The following PITPNM2 variants were observed in gnomAD, a reference collection of about 807,000 sequenced individuals.
PITPNM2 encodes the protein phosphatidylinositol transfer protein membrane associated 2, also known as membrane-associated phosphatidylinositol transfer protein 2.
In PITPNM2, 35 loss-of-function variants were observed where a neutral mutation model predicts 132.2. The observed-to-expected ratio is 0.26, with a 90% CI of 0.20 to 0.35. PITPNM2 has a LOEUF of 0.35. Among genes scored for constraint, PITPNM2 ranks in the 10% least tolerant of loss-of-function variants. The pLI, the probability that PITPNM2 is intolerant of heterozygous loss-of-function variation, is 1.00. For missense variants in PITPNM2, 1,332 were observed against 1,912.0 expected, an observed-to-expected ratio of 0.70 and a Z score of 5.66; for synonymous variants, 738 against 799.2, an observed-to-expected ratio of 0.92 and a Z score of 1.29.
At chr12:123,142,119 G>A (rs188285286) in intron 1 of PITPNM2, among the ~76,000 whole-genome samples, 139 of 152,324 alleles carry the variant, frequency 9.1e-4, no homozygotes, top group African/African-American at 3.1e-3. Context: ...AGTCACTACC[G>A]TGAACTCACA....
At position 123,089,238 on chromosome 12, in the gene PITPNM2, C is replaced by G. The variant is rs201487967; in HGVS notation, c.-96+21147G>C. The G allele has an allele frequency of 4.6e-5, 7 of 152,256 alleles. No homozygotes were observed. In the East Asian group the frequency reaches 1.4e-3, roughly 29 times the overall value. The allele number at this position is 152,256 out of a possible 1,614,324, so 9.4% of individuals were successfully genotyped here. A position where few individuals can be genotyped will look rare whatever the true frequency, so the allele number is the denominator to read the frequency against. ...CCGAACCCACCCTCAAACTCTTGGC[C>G]TCGTGAAATTAGGCAACAGGGGCCC... On this transcript the variant is annotated intron_variant, in intron 2 of 25. Transcript: ENST00000320201.
rs1435228117 is a variant in PITPNM2, at chr12:123,108,760, G to C, written c.-96+1625C>G. Among the ~76,000 whole-genome samples, 1 of 152,178 alleles carries C rather than the reference G, an allele frequency of 6.6e-6. No individual in the cohort carries two copies. Among genetic ancestry groups the C allele is most frequent in the Non-Finnish European group, 1.5e-5 (1 of 68,036 alleles). ...GATAACAGTCCACGGTGCCAGCCTG[G>C]AACTACGGAGCCACAGAGGCAACTT... On this transcript the variant is annotated intron_variant, in intron 2 of 25. Coordinates refer to ENST00000320201, the MANE Select transcript of PITPNM2 (RefSeq NM_020845.3). This position sits in a 1 kb window ranked among gnomAD's most constrained non-coding sequence, Gnocchi z 4.4.
At chr12:123,138,192 A>G (rs932649408) in intron 1 of PITPNM2, among the ~76,000 whole-genome samples, 6 of 152,160 alleles carry the variant, frequency 3.9e-5, no homozygotes, top group South Asian at 2.1e-4. Context: ...CACGCCTGTA[A>G]TCCCAACACT....
chr12:123,010,259 G>T (rs977361497), intron 5 of PITPNM2, among the ~76,000 whole-genome samples, 182 bp from the exon 6 acceptor site: 1 of 152,210 alleles, frequency 6.6e-6, no homozygotes, highest in African/African-American at 2.4e-5. Flanking sequence ...AGTGGGGCCT[G>T]CAGTTTCCTT....
chr12:122,994,888 C>T lies in PITPNM2; in HGVS notation c.2146G>A (p.Asp716Asn). ...AGGAAGAGGTCGGTGATCTCAAAGTCAAACCTGCCCAGGGCACCTGTGCCA... is the reference window on the plus strand; with the variant it reads ...AGGAAGAGGTCGGTGATCTCAAAGTTAAACCTGCCCAGGGCACCTGTGCCA... ...LDGTGALGRF[D>N]FEITDLFLFG... The change falls in exon 15 of 26, where the codon GAC (aspartate) becomes AAC (asparagine). Residue 716 changes from aspartate to asparagine, a missense_variant. Around this residue, in one of 6 missense-constraint regions of PITPNM2, gnomAD observed 710 missense variants for 911.5 expected, o/e 0.78. Coordinates refer to ENST00000320201, the MANE Select transcript of PITPNM2 (RefSeq NM_020845.3). The surrounding 1 kb of genome is among the most constrained non-coding windows in gnomAD (Gnocchi z 5.4). 1 of 1,612,360 alleles carries T rather than the reference C, an allele frequency of 6.2e-7. No individual in the cohort carries two copies. The highest frequency in any genetic ancestry group is 8.5e-7 in the Non-Finnish European group (1 of 1,179,940).
intron 1 of PITPNM2, among the ~76,000 whole-genome samples, chr12:123,125,200 T>C (rs1261745302): frequency 6.6e-6 from 1 of 152,158 alleles, no homozygotes; most frequent in Non-Finnish European, 1.5e-5. Context: ...GCTCAAGCAA[T>C]CTGCCCACCT....
chr12:123,020,396 C>T (rs1030003422), intron 3 of PITPNM2, among the ~76,000 whole-genome samples: 1 of 152,130 alleles, frequency 6.6e-6, no homozygotes, highest in Non-Finnish European at 1.5e-5. Context: ...GCTGGGATTA[C>T]AGGAGTGAGC....
rs1379064764 is a variant in PITPNM2, at chr12:123,058,704, G to A, written c.-95-24019C>T. 6.6e-6 allele frequency among the ~76,000 whole-genome samples: 1 copy of A among 152,066 alleles called. No individual in the cohort carries two copies. The highest frequency in any genetic ancestry group is 1.5e-5 in the Non-Finnish European group (1 of 68,008). On this transcript the variant is annotated intron_variant, in intron 2 of 25. Coordinates refer to ENST00000320201, the MANE Select transcript of PITPNM2 (RefSeq NM_020845.3). This position sits in a 1 kb window ranked among gnomAD's most constrained non-coding sequence, Gnocchi z 4.0. Reference sequence around the variant, plus strand: ...CTGTTGCCTGAGGCATTTGCTCAAGGCCCCAAGCGCTGTAGAAGCTGGTAA... The same window carrying A: ...CTGTTGCCTGAGGCATTTGCTCAAGACCCCAAGCGCTGTAGAAGCTGGTAA...
intron 2 of PITPNM2, among the ~76,000 whole-genome samples, chr12:123,107,587 G>T (rs1227720204): frequency 6.6e-6 from 1 of 152,190 alleles, no homozygotes; most frequent in East Asian, 1.9e-4. Context: ...GAGAGGAGAA[G>T]GAAAGATCTC....
At chr12:123,126,743 T>G (rs999435647) in intron 1 of PITPNM2, among the ~76,000 whole-genome samples, 7 of 152,194 alleles carry the variant, frequency 4.6e-5, no homozygotes, top group African/African-American at 1.7e-4. Flanking sequence ...GTAGCCCCAG[T>G]CAGCTGAATG....
intron 1 of PITPNM2, among the ~76,000 whole-genome samples, chr12:123,128,978 T>C (rs909503456): frequency 7.9e-5 from 12 of 151,840 alleles, no homozygotes; most frequent in Non-Finnish European, 1.8e-4. Flanking sequence ...TTACTAAAAA[T>C]ACAAAAATTA....
chr12:123,035,023 A>G (rs1338017840), intron 2 of PITPNM2, among the ~76,000 whole-genome samples: 9 of 152,190 alleles, frequency 5.9e-5, no homozygotes, highest in African/African-American at 2.2e-4. Context: ...TACAGCATCT[A>G]TTTCCCCGGT....
chr12:123,100,194 T>C (rs947801), intron 2 of PITPNM2, among the ~76,000 whole-genome samples: 4,006 of 152,302 alleles, frequency 0.026, 77 homozygotes, highest in South Asian at 0.047. Context: ...GATAAAACAA[T>C]GTGCAACGTA....
intron 1 of PITPNM2, among the ~76,000 whole-genome samples, chr12:123,112,073 A>G (rs779836864): frequency 6.6e-6 from 1 of 152,144 alleles, no homozygotes; most frequent in African/African-American, 2.4e-5. Flanking sequence ...TTAGATCCAC[A>G]GGGGCTATGA....
At chr12:123,017,106 C>T (rs889639028) in intron 3 of PITPNM2, among the ~76,000 whole-genome samples, 4 of 151,072 alleles carry the variant, frequency 2.6e-5, no homozygotes, top group Non-Finnish European at 5.9e-5. Context: ...CATGGTGGCT[C>T]ACTCCTGTAA....
chr12:123,081,425 C>G (rs142663714), intron 2 of PITPNM2: 2,171 of 152,436 alleles, frequency 0.014, 25 homozygotes, highest in Middle Eastern at 0.027. Flanking sequence ...AGGTCCCCCC[C>G]CACTCCTTAA....
rs1318032787 is a variant in PITPNM2, at chr12:122,986,045, T to C, written c.4032A>G (p.Ala1344=). The change falls in exon 26 of 26, where the codon GCA becomes GCG. Residue 1344 remains alanine (A), a synonymous_variant. Transcript: ENST00000320201. ...RAMTGRLEPG[A]AAGPK ...CGGTGCCCTACTTGGGGCCCGCGGC[T>C]GCCCCCGGCTCCAGGCGGCCAGTCA... The C allele has an allele frequency of 2.1e-6, 3 of 1,406,976 alleles. No individual in the cohort carries two copies. Among genetic ancestry groups the C allele is most frequent in the Non-Finnish European group, 1.8e-6 (2 of 1,092,198 alleles). The allele number at this position is 1,406,976 out of a possible 1,614,324, so 87.2% of individuals were successfully genotyped here. A position where few individuals can be genotyped will look rare whatever the true frequency, so the allele number is the denominator to read the frequency against.
intron 3 of PITPNM2, among the ~76,000 whole-genome samples, chr12:123,029,265 A>G (rs555491985): frequency 6.6e-6 from 1 of 152,338 alleles, no homozygotes; most frequent in East Asian, 1.9e-4. Flanking sequence ...ATGGGAAACT[A>G]TGCTCTCTGA....
chr12:123,110,259 C>G (rs1029684732), intron 2 of PITPNM2, 126 bp downstream of exon 2: 2 of 152,210 alleles, frequency 1.3e-5, no homozygotes, highest in African/African-American at 4.8e-5. Context: ...CAACAATAGT[C>G]CGGTTTTTAG....
Sources: gnomAD v4.1 joint callset for allele counts (sites outside exome capture counted in the v4.1 genomes callset) on GRCh38, gnomAD v4.1.1 for gene constraint, gnomAD v4.1.1 regional missense constraint, Gnocchi (gnomAD v3.1) non-coding constraint, MANE v1.5 for transcripts, NCBI Gene and HGNC (gene_info 2026-07-23, HGNC 2026-07-21) for gene names.